Variants in ST6GALNAC5 observed in about 807,000 individuals in gnomAD.
The protein encoded by ST6GALNAC5 is ST6 N-acetylgalactosaminide alpha-2,6-sialyltransferase 5.
ST6GALNAC5 carries 27 observed loss-of-function variants against 33.6 expected under a neutral mutation model. That is an observed-to-expected ratio of 0.80 (90% CI 0.59 to 1.11). ST6GALNAC5 has a LOEUF of 1.11. Ranked by LOEUF, ST6GALNAC5 falls within the 50% of genes least tolerant of loss-of-function variation. ST6GALNAC5 has a pLI of 0.00. For missense variants in ST6GALNAC5, 428 were observed against 454.0 expected, an observed-to-expected ratio of 0.94 and a Z score of 0.52; for synonymous variants, 194 against 171.2, an observed-to-expected ratio of 1.13 and a Z score of -1.04.
chr1:76,913,281 G>C (rs1646932738), intron 2 of ST6GALNAC5, among the ~76,000 whole-genome samples: 1 of 151,628 alleles, frequency 6.6e-6, no homozygotes, highest in South Asian at 2.1e-4. Context: ...TTTCTGCCAA[G>C]AGATCTGCTG....
At chr1:76,998,518 T>C (rs1001708996) in intron 2 of ST6GALNAC5, among the ~76,000 whole-genome samples, 13 of 152,314 alleles carry the variant, frequency 8.5e-5, no homozygotes, top group African/African-American at 2.6e-4. Flanking sequence ...CCAATGAAAA[T>C]CTGTGTTGAC....
chr1:76,963,069 T>C (rs1399555815), intron 2 of ST6GALNAC5, among the ~76,000 whole-genome samples: 4 of 152,114 alleles, frequency 2.6e-5, no homozygotes. Context: ...GGGACATTTG[T>C]GGAAGATCTG....
intron 2 of ST6GALNAC5, among the ~76,000 whole-genome samples, chr1:77,015,318 C>A (rs1257101530): frequency 1.3e-5 from 2 of 152,076 alleles, no homozygotes; most frequent in African/African-American, 4.8e-5. Context: ...TTTCCTTAAC[C>A]TTTTGTCCTG....
intron 2 of ST6GALNAC5, among the ~76,000 whole-genome samples, chr1:77,033,208 C>G (rs1211230848): frequency 6.6e-6 from 1 of 152,138 alleles, no homozygotes; most frequent in Non-Finnish European, 1.5e-5. Flanking sequence ...TCATCCATGC[C>G]CCCTTTGGAC....
chr1:77,058,713 G>T (rs915334806), intron 4 of ST6GALNAC5, among the ~76,000 whole-genome samples: 1 of 152,234 alleles, frequency 6.6e-6, no homozygotes, highest in Admixed American at 6.5e-5. Flanking sequence ...TTATAGGGGT[G>T]TTGTGAGGAC....
intron 2 of ST6GALNAC5, among the ~76,000 whole-genome samples, chr1:76,913,051 T>G (rs1239322904): frequency 6.6e-6 from 1 of 152,210 alleles, no homozygotes; most frequent in Admixed American, 6.5e-5. Flanking sequence ...TTGCAGCGGC[T>G]GGTACCGTTT....
chr1:77,034,552 T>C (rs1302508923), intron 2 of ST6GALNAC5, among the ~76,000 whole-genome samples: 1 of 152,204 alleles, frequency 6.6e-6, no homozygotes, highest in East Asian at 1.9e-4. Context: ...TCTAAGGGGA[T>C]GTCCTGGCTT....
chr1:76,968,189 G>A lies in ST6GALNAC5; in HGVS notation c.262-76015G>A, dbSNP rs181877662. On this transcript the variant is annotated intron_variant, in intron 2 of 4. Transcript: ENST00000477717. ...CTAATATTGATAGTGGGGTGTTAAA[G>A]TCTCCCATTATTATTCTGCGGGAGT... Among the ~76,000 whole-genome samples, 17 of 152,240 alleles carry A rather than the reference G, an allele frequency of 1.1e-4. 1 individual carries two copies. The highest frequency in any genetic ancestry group is 1.1e-3 in the Admixed American group (17 of 15,298).
intron 2 of ST6GALNAC5, among the ~76,000 whole-genome samples, chr1:76,904,626 A>T (rs144227158): frequency 0.018 from 2,761 of 152,240 alleles, 85 homozygotes; most frequent in African/African-American, 0.062. Flanking sequence ...GGAGTTCGAG[A>T]CCAGCCTGGC....
At position 76,949,550 on chromosome 1, in the gene ST6GALNAC5, G is replaced by A. The variant is rs1647663275; in HGVS notation, c.261+80808G>A. 2.0e-5 allele frequency among the ~76,000 whole-genome samples: 3 copies of A among 152,212 alleles called. No homozygotes were observed. In the South Asian group the frequency reaches 6.2e-4, roughly 32 times the overall value. ...CTCTGAGCTCCAGTTTTCCTCATGTGTAAAATCAAATGTTTGGACTAGACA... is the reference window on the plus strand; with the variant it reads ...CTCTGAGCTCCAGTTTTCCTCATGTATAAAATCAAATGTTTGGACTAGACA... On this transcript the variant is annotated intron_variant, in intron 2 of 4. Coordinates refer to ENST00000477717, the MANE Select transcript of ST6GALNAC5 (RefSeq NM_030965.3).
intron 4 of ST6GALNAC5, among the ~76,000 whole-genome samples, chr1:77,057,269 G>A (rs1356377722): frequency 1.3e-5 from 2 of 152,170 alleles, no homozygotes; most frequent in Non-Finnish European, 2.9e-5. Flanking sequence ...GGTTAACCTA[G>A]ATCACACTAT....
At chr1:76,986,560 G>GGTAAAA (rs1329222313) in intron 2 of ST6GALNAC5, among the ~76,000 whole-genome samples, 2 of 152,184 alleles carry the variant, frequency 1.3e-5, no homozygotes, top group Non-Finnish European at 2.9e-5. Context: ...TTACACTGTT[G>GGTAAAA]GTGGGAGTGT....
intron 2 of ST6GALNAC5, among the ~76,000 whole-genome samples, chr1:76,965,582 C>T (rs1207796800): frequency 6.6e-6 from 1 of 152,168 alleles, no homozygotes; most frequent in African/African-American, 2.4e-5. Context: ...ACAGTAGTTT[C>T]TTTTGCTGTG....
At chr1:76,878,952 T>C (rs1319692568) in intron 2 of ST6GALNAC5, among the ~76,000 whole-genome samples, 3 of 152,164 alleles carry the variant, frequency 2.0e-5, no homozygotes, top group African/African-American at 7.2e-5. Context: ...TTGAGTGCCA[T>C]CACTTGGCCC....
rs77830290 is a variant in ST6GALNAC5, at chr1:77,033,628, G to C, written c.262-10576G>C. The stretch of plus-strand genomic sequence containing the variant: ...GTAACATCGTTGTTATAGAATAAGT[G>C]GGGGAGGCAGTCAGGAAGGGCCTCC... On this transcript the variant is annotated intron_variant, in intron 2 of 4. Transcript: ENST00000477717. Among the ~76,000 whole-genome samples, 321 of 152,214 alleles carry C rather than the reference G, an allele frequency of 2.1e-3. 2 individuals carry two copies. In the East Asian group the frequency reaches 0.035, roughly 17 times the overall value.
At chr1:76,970,529 C>A (rs1031178523) in intron 2 of ST6GALNAC5, among the ~76,000 whole-genome samples, 3 of 151,958 alleles carry the variant, frequency 2.0e-5, no homozygotes, top group African/African-American at 4.8e-5. Flanking sequence ...AAGAAATGAA[C>A]AAAGCCTCCA....
intron 2 of ST6GALNAC5, among the ~76,000 whole-genome samples, chr1:76,953,131 G>A (rs944023437): frequency 3.5e-4 from 54 of 152,130 alleles, no homozygotes; most frequent in African/African-American, 9.4e-4. Context: ...GTTATGGATA[G>A]AGCTGCCATA....
chr1:76,960,144 G>A (rs1310120249), intron 2 of ST6GALNAC5, among the ~76,000 whole-genome samples: 4 of 152,080 alleles, frequency 2.6e-5, no homozygotes, highest in East Asian at 1.9e-4. Flanking sequence ...ATTCACCCCC[G>A]ATATTTCACG....
At chr1:77,015,367 G>C (rs1314423050) in intron 2 of ST6GALNAC5, among the ~76,000 whole-genome samples, 9 of 152,150 alleles carry the variant, frequency 5.9e-5, no homozygotes, top group Admixed American at 3.3e-4. Context: ...CAACCACACT[G>C]GGTAGGACCA....
Sources: gnomAD v4.1 joint callset for allele counts (sites outside exome capture counted in the v4.1 genomes callset) on GRCh38, gnomAD v4.1.1 for gene constraint, MANE v1.5 for transcripts, NCBI Gene and HGNC (gene_info 2026-07-23, HGNC 2026-07-21) for gene names.